LINGO2: variants seen among roughly 807,000 people sequenced by gnomAD.
LINGO2 encodes the protein leucine-rich repeat and immunoglobulin-like domain-containing nogo receptor-interacting protein 2.
Under a neutral mutation model 30.6 loss-of-function variants are expected in LINGO2, and 14 were observed. The ratio of observed to expected loss-of-function variants is 0.46; its 90% confidence interval spans 0.30 to 0.72. The LOEUF is 0.72. Ranked by LOEUF, LINGO2 falls within the 30% of genes least tolerant of loss-of-function variation. The probability of loss-of-function intolerance (pLI) is 0.07; values close to 1 mark genes in which losing one functional copy is unlikely to be tolerated. For missense variants in LINGO2, 729 were observed against 751.7 expected (o/e 0.97, Z 0.35); for synonymous variants, 317 against 288.5 (o/e 1.10, Z -1.00).
intron 2 of LINGO2, among the ~76,000 whole-genome samples, chr9:28,470,348 A>C (rs533566107): frequency 8.7e-4 from 132 of 152,370 alleles, no homozygotes; most frequent in African/African-American, 3.0e-3. Context: ...AAGACAACAT[A>C]GTATTAAATT....
chr9:28,073,268 A>C (rs1396583634), intron 4 of LINGO2, among the ~76,000 whole-genome samples: 1 of 152,140 alleles, frequency 6.6e-6, no homozygotes, highest in African/African-American at 2.4e-5. Context: ...TGTCCTTCAA[A>C]TTTAATTTCT....
chr9:28,236,758 A>G (rs1334459295), intron 4 of LINGO2, among the ~76,000 whole-genome samples: 1 of 152,146 alleles, frequency 6.6e-6, no homozygotes, highest in East Asian at 1.9e-4. Flanking sequence ...GGGTGTAGGA[A>G]GGGAAGTGGA....
the LINGO2 span, among the ~76,000 whole-genome samples, chr9:29,074,502 T>C: frequency 8.5e-5 from 13 of 152,084 alleles, no homozygotes; most frequent in African/African-American, 1.2e-4. Flanking sequence ...TAATATAGAC[T>C]GTATCTTCTC....
intron 1 of LINGO2, among the ~76,000 whole-genome samples, chr9:28,635,621 T>G (rs928226471): frequency 6.6e-6 from 1 of 152,160 alleles, no homozygotes; most frequent in African/African-American, 2.4e-5. Flanking sequence ...ATTATGAAAT[T>G]TATTTATAAT....
intron 1 of LINGO2, among the ~76,000 whole-genome samples, chr9:28,597,579 G>A (rs1050721337): frequency 2.0e-5 from 3 of 152,122 alleles, no homozygotes; most frequent in South Asian, 2.1e-4. Flanking sequence ...TCTTTTCATC[G>A]TTATCAGATG....
the LINGO2 span, among the ~76,000 whole-genome samples, chr9:29,003,649 T>C: frequency 2.0e-5 from 3 of 152,090 alleles, no homozygotes; most frequent in Admixed American, 1.3e-4. Flanking sequence ...ATATAGCTTA[T>C]ATCTGGAATA....
At chr9:28,456,317 C>A (rs1229235821) in intron 2 of LINGO2, among the ~76,000 whole-genome samples, 1 of 152,206 alleles carries the variant, frequency 6.6e-6, no homozygotes, top group Non-Finnish European at 1.5e-5. Flanking sequence ...GCACACACTT[C>A]TTCCTCCAAC....
At chr9:28,507,238 C>T (rs4991247) in intron 1 of LINGO2, among the ~76,000 whole-genome samples, 145,499 of 150,598 alleles carry the variant, frequency 0.97, 70,403 homozygotes, top group East Asian at 1. Flanking sequence ...TGTGTGTGTG[C>T]GTGCGTGCGC....
At chr9:28,318,858 T>G (rs950521401) in intron 3 of LINGO2, among the ~76,000 whole-genome samples, 1 of 152,190 alleles carries the variant, frequency 6.6e-6, no homozygotes, top group Non-Finnish European at 1.5e-5. Context: ...AAGCAAACAC[T>G]TGACAAAACA....
chr9:28,047,773 A>T (rs1824490774), intron 4 of LINGO2, among the ~76,000 whole-genome samples: 1 of 139,826 alleles, frequency 7.2e-6, no homozygotes, highest in Admixed American at 7.8e-5. Context: ...GAACACTTAA[A>T]ATTATACTGA....
rs2134773966 is a variant in LINGO2 at position 28,405,793 on chromosome 9, C to T, written c.-278-32925G>A. ...TCTCTTCCTTCTCTTCATTTCCCACCTCCAATCAATACTTAAGCCTTCTCT... is the reference window on the plus strand; with the variant it reads ...TCTCTTCCTTCTCTTCATTTCCCACTTCCAATCAATACTTAAGCCTTCTCT... On this transcript the variant is annotated intron_variant, in intron 2 of 5. Coordinates refer to ENST00000379992, the Ensembl canonical transcript of LINGO2. Among the ~76,000 whole-genome samples the T allele has an allele frequency of 2.0e-5, 3 of 152,208 alleles. 1 individual carries two copies. In the Middle Eastern group the frequency reaches 0.01, roughly 518 times the overall value.
chr9:28,831,371 A>G, the LINGO2 span, among the ~76,000 whole-genome samples: 1 of 152,216 alleles, frequency 6.6e-6, no homozygotes, highest in East Asian at 1.9e-4. Flanking sequence ...GGAAGGCCAT[A>G]TGGTAGTAAA....
the LINGO2 span, among the ~76,000 whole-genome samples, chr9:28,958,517 T>G: frequency 6.6e-6 from 1 of 152,090 alleles, no homozygotes; most frequent in Non-Finnish European, 1.5e-5. Flanking sequence ...GCCGACAGCC[T>G]CTCCAGTGTA....
the LINGO2 span, among the ~76,000 whole-genome samples, chr9:28,828,947 C>G: frequency 6.6e-6 from 1 of 152,118 alleles, no homozygotes; most frequent in African/African-American, 2.4e-5. Flanking sequence ...GAGAAGGCCC[C>G]ACCCTCAAGC....
intron 4 of LINGO2, among the ~76,000 whole-genome samples, chr9:28,244,347 G>T (rs2133985592): frequency 6.6e-6 from 1 of 152,244 alleles, no homozygotes; most frequent in South Asian, 2.1e-4. Context: ...GAAATTGATA[G>T]CACTAAATGC....
chr9:28,082,729 C>T (rs1437232739), intron 4 of LINGO2, among the ~76,000 whole-genome samples: 1 of 152,086 alleles, frequency 6.6e-6, no homozygotes, highest in Non-Finnish European at 1.5e-5. Context: ...AGAACATGTT[C>T]TCTCTCTCAC....
chr9:28,218,233 T>C (rs1490464875), intron 4 of LINGO2, among the ~76,000 whole-genome samples: 1 of 151,186 alleles, frequency 6.6e-6, no homozygotes, highest in Non-Finnish European at 1.5e-5. Flanking sequence ...ACAATAACTC[T>C]ATTATACAGT....
the LINGO2 span, among the ~76,000 whole-genome samples, chr9:28,928,850 G>A: frequency 0.73 from 110,277 of 151,428 alleles, 40,396 homozygotes; most frequent in Non-Finnish European, 0.78. Context: ...AATCGGCCCC[G>A]TATGTGAGCT....
At chr9:28,817,866 T>C in the LINGO2 span, among the ~76,000 whole-genome samples, 7 of 152,336 alleles carry the variant, frequency 4.6e-5, no homozygotes, top group Admixed American at 3.9e-4. Context: ...TTTGCCATTT[T>C]ATGTAACATA....
Sources: allele counts gnomAD v4.1 joint callset (sites outside exome capture counted in the v4.1 genomes callset), GRCh38; gene constraint gnomAD v4.1.1; transcripts MANE v1.5; gene names NCBI Gene and HGNC (gene_info 2026-07-23, HGNC 2026-07-21).